ROR1: variants seen among roughly 807,000 people sequenced by gnomAD.
ROR1 encodes the protein inactive tyrosine-protein kinase transmembrane receptor ROR1.
In ROR1, 19 loss-of-function variants were observed where a neutral mutation model predicts 78.8. That is an observed-to-expected ratio of 0.24 (90% CI 0.17 to 0.35). The LOEUF (loss-of-function observed/expected upper bound fraction) is 0.35. ROR1 is among the 10% of genes least tolerant of loss of function. ROR1 has a pLI of 1.00. For missense variants in ROR1, 917 were observed against 1,177.8 expected, an observed-to-expected ratio of 0.78 and a Z score of 3.24; for synonymous variants, 386 against 433.6, an observed-to-expected ratio of 0.89 and a Z score of 1.36.
intron 2 of ROR1, among the ~76,000 whole-genome samples, chr1:64,031,869 G>A (rs771624133): frequency 9.9e-5 from 15 of 151,560 alleles, no homozygotes; most frequent in Non-Finnish European, 1.2e-4. Flanking sequence ...TTGTGTGTGC[G>A]TGTGCATGCA....
chr1:64,098,198 G>A (rs1441673753), intron 4 of ROR1, among the ~76,000 whole-genome samples: 1 of 152,138 alleles, frequency 6.6e-6, no homozygotes, highest in Non-Finnish European at 1.5e-5. Context: ...CTTGTGCTGT[G>A]AGTGAGAAGT....
chr1:63,861,838 A>T (rs1459431242), intron 1 of ROR1, among the ~76,000 whole-genome samples: 1 of 152,190 alleles, frequency 6.6e-6, no homozygotes, highest in Non-Finnish European at 1.5e-5. Context: ...TTGAGCCAGT[A>T]GGTCAGTCTT....
Position 63,849,016 on chromosome 1 carries a change from G to A in ROR1, c.91+74508G>A, listed in dbSNP as rs77135034. Among the ~76,000 whole-genome samples, 21 of 152,264 alleles carry A rather than the reference G, an allele frequency of 1.4e-4. No individual in the cohort carries two copies. In the East Asian group the frequency reaches 4.1e-3, roughly 29 times the overall value. On this transcript the variant is annotated intron_variant, in intron 1 of 8. Transcript: ENST00000371079. The stretch of plus-strand genomic sequence containing the variant: ...GGGCGGCATCCTGGGGTCTGTTATG[G>A]CAATGAATTCCTGGTCCTTAGGTGA...
At chr1:64,099,492 G>A (rs980290694) in intron 4 of ROR1, among the ~76,000 whole-genome samples, 3 of 152,094 alleles carry the variant, frequency 2.0e-5, no homozygotes, top group African/African-American at 4.8e-5. Flanking sequence ...ATCAGAGGCC[G>A]CCAGAGGAAC....
At chr1:63,905,919 A>G (rs1645524460) in intron 1 of ROR1, among the ~76,000 whole-genome samples, 1 of 152,186 alleles carries the variant, frequency 6.6e-6, no homozygotes, top group South Asian at 2.1e-4. Flanking sequence ...AACATAAAAT[A>G]ATGTACTTGA....
chr1:64,171,488 C>T lies in ROR1; in HGVS notation c.1387-5940C>T, dbSNP rs540656202. Among the ~76,000 whole-genome samples the T allele has an allele frequency of 3.3e-5, 5 of 152,270 alleles. No individual in the cohort carries two copies. In the South Asian group the frequency reaches 1.0e-3, roughly 32 times the overall value. On this transcript the variant is annotated intron_variant, in intron 8 of 8. Coordinates refer to ENST00000371079, the MANE Select transcript of ROR1 (RefSeq NM_005012.4). ...CAGCCAAACCATATCATGAGGCAAG[C>T]ACAAATGCCATGTGAAACCTGCTAT...
intron 1 of ROR1, among the ~76,000 whole-genome samples, chr1:63,884,034 T>C (rs1246623625): frequency 2.0e-5 from 3 of 152,168 alleles, no homozygotes; most frequent in Non-Finnish European, 4.4e-5. Flanking sequence ...GGAAAAGCAG[T>C]GAAAGGAACA....
intron 1 of ROR1, among the ~76,000 whole-genome samples, chr1:63,956,993 G>T (rs1309096873): frequency 6.6e-6 from 1 of 152,116 alleles, no homozygotes; most frequent in African/African-American, 2.4e-5. Flanking sequence ...AATAGAAGTG[G>T]GTAATAGAGT....
At chr1:63,824,048 C>A (rs577539923) in intron 1 of ROR1, among the ~76,000 whole-genome samples, 2 of 152,118 alleles carry the variant, frequency 1.3e-5, no homozygotes, top group Non-Finnish European at 2.9e-5. Context: ...GTGCCCAGCC[C>A]CAAATCTTAC....
chr1:63,878,368 C>G (rs1263567555), intron 1 of ROR1, among the ~76,000 whole-genome samples: 1 of 152,174 alleles, frequency 6.6e-6, no homozygotes, highest in Admixed American at 6.5e-5. Flanking sequence ...AGGAACTGAT[C>G]GGAAATAAAC....
At chr1:63,964,696 A>G (rs1477319057) in intron 1 of ROR1, among the ~76,000 whole-genome samples, 1 of 152,246 alleles carries the variant, frequency 6.6e-6, no homozygotes, top group African/African-American at 2.4e-5. Context: ...CTTTTCAAAG[A>G]AAGCCCATAC....
chr1:63,885,546 C>T (rs1433620712), intron 1 of ROR1, among the ~76,000 whole-genome samples: 1 of 152,056 alleles, frequency 6.6e-6, no homozygotes, highest in Non-Finnish European at 1.5e-5. Flanking sequence ...GACGTGTGCC[C>T]ACAGATGCCT....
At chr1:64,032,654 T>G (rs1646671106) in intron 2 of ROR1, among the ~76,000 whole-genome samples, 1 of 152,136 alleles carries the variant, frequency 6.6e-6, no homozygotes, top group Admixed American at 6.5e-5. Context: ...ATCCTAAGAT[T>G]GCAATGGAGA....
chr1:63,951,716 C>CT (rs1645938432), intron 1 of ROR1, among the ~76,000 whole-genome samples: 1 of 152,184 alleles, frequency 6.6e-6, no homozygotes, highest in Non-Finnish European at 1.5e-5. Context: ...ACACCCCCCC[C>CT]TCACCACCAG....
chr1:64,139,287 A>T (rs769364398), intron 5 of ROR1, among the ~76,000 whole-genome samples: 83 of 149,316 alleles, frequency 5.6e-4, no homozygotes, highest in Non-Finnish European at 1.1e-3. Flanking sequence ...GTTTTTTTTT[A>T]AATTCATTTA....
At chr1:63,865,109 C>T (rs1276332219) in intron 1 of ROR1, among the ~76,000 whole-genome samples, 1 of 152,088 alleles carries the variant, frequency 6.6e-6, no homozygotes, top group Non-Finnish European at 1.5e-5. Context: ...CATTTTTCCC[C>T]AGGCAATTTA....
chr1:64,041,650 GC>G (rs1646746607), intron 2 of ROR1, among the ~76,000 whole-genome samples: 1 of 152,130 alleles, frequency 6.6e-6, no homozygotes, highest in Non-Finnish European at 1.5e-5. Context: ...CAAAAAGGAG[GC>G]ACATTATTGG....
At chr1:63,836,772 G>A (rs1431243732) in intron 1 of ROR1, among the ~76,000 whole-genome samples, 1 of 152,146 alleles carries the variant, frequency 6.6e-6, no homozygotes, top group Non-Finnish European at 1.5e-5. Context: ...GACCACTAAT[G>A]CAATTGACTT....
chr1:64,008,395 C>T (rs1029738254), intron 1 of ROR1, among the ~76,000 whole-genome samples: 1 of 152,228 alleles, frequency 6.6e-6, no homozygotes, highest in South Asian at 2.1e-4. Flanking sequence ...TCCATGTCTT[C>T]GCTATTATGA....
Sources: allele counts gnomAD v4.1 joint callset (sites outside exome capture counted in the v4.1 genomes callset), GRCh38; gene constraint gnomAD v4.1.1; transcripts MANE v1.5; gene names NCBI Gene and HGNC (gene_info 2026-07-23, HGNC 2026-07-21).